The following IPCEF1 variants were observed in gnomAD, a reference collection of about 807,000 sequenced individuals.
IPCEF1 encodes interactor protein for cytohesin exchange factors 1.
In IPCEF1, 31 loss-of-function variants were observed where a neutral mutation model predicts 50.9. That is an observed-to-expected ratio of 0.61 (90% CI 0.46 to 0.82). The LOEUF is 0.82. IPCEF1 is among the 40% of genes least tolerant of loss of function. IPCEF1 has a pLI of 0.00. For synonymous variants in IPCEF1, 181 were observed against 192.0 expected (o/e 0.94, Z 0.47); for missense variants, 458 against 514.0 (o/e 0.89, Z 1.05).
intron 5 of IPCEF1, among the ~76,000 whole-genome samples, chr6:154,236,039 G>A (rs1048771337): frequency 1.3e-5 from 2 of 152,162 alleles, no homozygotes; most frequent in African/African-American, 4.8e-5. Context: ...ATATGATCCA[G>A]CAATTCCACC....
At chr6:154,319,323 G>A (rs943901395) in intron 1 of IPCEF1, among the ~76,000 whole-genome samples, 3 of 152,058 alleles carry the variant, frequency 2.0e-5, no homozygotes, top group African/African-American at 7.2e-5. Flanking sequence ...GTTCTCATGT[G>A]ACTGTTTTTC....
intron 1 of IPCEF1, among the ~76,000 whole-genome samples, chr6:154,351,346 TC>T (rs138682302): frequency 0.012 from 1,780 of 152,136 alleles, 38 homozygotes; most frequent in African/African-American, 0.041. Context: ...GGTTCTGAGG[TC>T]CCCCCAGTCC....
intron 1 of IPCEF1, among the ~76,000 whole-genome samples, chr6:154,311,384 G>C (rs1480117370): frequency 6.6e-6 from 1 of 151,960 alleles, no homozygotes; most frequent in Non-Finnish European, 1.5e-5. Context: ...GTGTTCCTTA[G>C]GATCTTATTC....
intron 5 of IPCEF1, among the ~76,000 whole-genome samples, chr6:154,237,285 C>T (rs932085258): frequency 6.6e-6 from 1 of 152,242 alleles, no homozygotes; most frequent in South Asian, 2.1e-4. Flanking sequence ...GTTAACTGAA[C>T]TCTTCCTCCA....
At chr6:154,343,053 C>T in intron 1 of IPCEF1, among the ~76,000 whole-genome samples, 1 of 152,164 alleles carries the variant, frequency 6.6e-6, no homozygotes, top group Non-Finnish European at 1.5e-5. Context: ...GAGCTGAAGG[C>T]TGCAGTGAGC....
chr6:154,199,921 T>C lies in IPCEF1; in HGVS notation c.657A>G (p.Arg219=). ...SSFPSSLSKE[R]QSLPDTVNSL... The stretch of plus-strand genomic sequence containing the variant: ...TGTTAACTGTGTCAGGCAAGGATTG[T>C]CTCTCTTTAGATAAGGAGGAAGGAA... Residue 219 remains arginine, a synonymous_variant, in exon 10 of 12, where the codon AGA becomes AGG. Coordinates refer to ENST00000367220, the MANE Select transcript of IPCEF1 (RefSeq NM_001130700.2). The C allele has an allele frequency of 6.2e-7, 1 of 1,614,236 alleles. No homozygotes were observed. Among genetic ancestry groups the C allele is most frequent in the Non-Finnish European group, 8.5e-7 (1 of 1,180,050 alleles).
chr6:154,353,118 C>T (rs2128702503), intron 1 of IPCEF1, among the ~76,000 whole-genome samples: 1 of 152,230 alleles, frequency 6.6e-6, no homozygotes, highest in Middle Eastern at 3.4e-3. Context: ...CAGCCTTACT[C>T]TCAAAGGGGA....
At chr6:154,198,372 G>C (rs893702790) in intron 10 of IPCEF1, among the ~76,000 whole-genome samples, 2 of 152,044 alleles carry the variant, frequency 1.3e-5, no homozygotes, top group Non-Finnish European at 2.9e-5. Flanking sequence ...CAGTGACAAG[G>C]TTTCCTTTCT....
At chr6:154,207,491 G>A (rs1307207338) in intron 9 of IPCEF1, among the ~76,000 whole-genome samples, 1 of 152,112 alleles carries the variant, frequency 6.6e-6, no homozygotes, top group Non-Finnish European at 1.5e-5. Context: ...TTCAAGATAT[G>A]TCTTGTTAAG....
chr6:154,332,161 C>T (rs750154477), intron 1 of IPCEF1, among the ~76,000 whole-genome samples: 13 of 152,098 alleles, frequency 8.5e-5, no homozygotes, highest in African/African-American at 1.4e-4. Flanking sequence ...AATGAAACTC[C>T]GCCATAATTT....
At chr6:154,212,944 T>C (rs776570169) in intron 8 of IPCEF1, 89 bp from the exon 9 acceptor site, 3 of 885,564 alleles carry the variant, frequency 3.4e-6, no homozygotes, top group African/African-American at 1.7e-5. Flanking sequence ...CATCTGGCTA[T>C]TGCAATTTCA....
At position 154,289,001 on chromosome 6, in the gene IPCEF1, C is replaced by A. The variant is rs183887839; in HGVS notation, c.-18+712G>T. Reference sequence around the variant, plus strand: ...GGTCAAGGCTGCAGTGAGCCACGATCATGCCACTACACTCCAGTCTGGGGG... The same window carrying A: ...GGTCAAGGCTGCAGTGAGCCACGATAATGCCACTACACTCCAGTCTGGGGG... On this transcript the variant is annotated intron_variant, in intron 2 of 11. Coordinates refer to ENST00000367220, the MANE Select transcript of IPCEF1 (RefSeq NM_001130700.2). Among the ~76,000 whole-genome samples, 501 of 152,246 alleles carry A rather than the reference C, an allele frequency of 3.3e-3. 2 individuals are homozygous for A. The highest frequency in any genetic ancestry group is 9.8e-3 in the African/African-American group (408 of 41,550).
chr6:154,280,583 A>G (rs145402410), intron 2 of IPCEF1, among the ~76,000 whole-genome samples: 160 of 152,354 alleles, frequency 1.1e-3, no homozygotes, highest in African/African-American at 3.4e-3. Flanking sequence ...AATATAAACA[A>G]TATGATTCCA....
intron 1 of IPCEF1, among the ~76,000 whole-genome samples, chr6:154,300,427 C>T (rs1410480341): frequency 6.6e-6 from 1 of 152,106 alleles, no homozygotes; most frequent in East Asian, 1.9e-4. Flanking sequence ...GCCTGGGCAA[C>T]ATATGATGAC....
chr6:154,322,501 A>G (rs898573529), intron 1 of IPCEF1, among the ~76,000 whole-genome samples: 1 of 152,182 alleles, frequency 6.6e-6, no homozygotes, highest in African/African-American at 2.4e-5. Flanking sequence ...AGAAAAAATA[A>G]AAGACTTAAA....
intron 1 of IPCEF1, among the ~76,000 whole-genome samples, chr6:154,316,777 A>G (rs1181910766): frequency 6.6e-6 from 1 of 152,242 alleles, no homozygotes; most frequent in Non-Finnish European, 1.5e-5. Context: ...TCTCACAACA[A>G]AAAATGAGTA....
intron 8 of IPCEF1, chr6:154,213,165 G>T (rs1469102237): frequency 3.3e-6 from 1 of 304,036 alleles, no homozygotes; most frequent in East Asian, 6.6e-5. Context: ...CACAAAATCA[G>T]TGGTGATTAA....
intron 10 of IPCEF1, among the ~76,000 whole-genome samples, chr6:154,197,141 C>T (rs904397113): frequency 6.6e-6 from 1 of 152,014 alleles, no homozygotes; most frequent in Non-Finnish European, 1.5e-5. Context: ...GATTTCTATC[C>T]CTGATATAAA....
intron 11 of IPCEF1, among the ~76,000 whole-genome samples, chr6:154,164,941 T>C (rs1562518663): frequency 6.6e-6 from 1 of 152,222 alleles, no homozygotes; most frequent in African/African-American, 2.4e-5. Flanking sequence ...CCTAGAAGAA[T>C]TTCCCTGAAG....
Sources: allele counts gnomAD v4.1 joint callset (sites outside exome capture counted in the v4.1 genomes callset), GRCh38; gene constraint gnomAD v4.1.1; transcripts MANE v1.5; gene names NCBI Gene and HGNC (gene_info 2026-07-23, HGNC 2026-07-21).